The following NFIA variants were observed in gnomAD, a reference collection of about 807,000 sequenced individuals.
NFIA encodes the protein nuclear factor 1 A-type.
A neutral mutation model predicts 62.8 loss-of-function variants in NFIA; 8 were observed. The ratio of observed to expected loss-of-function variants is 0.13; its 90% CI spans 0.07 to 0.23. NFIA has a LOEUF of 0.23. NFIA is among the 10% of genes least tolerant of loss of function. The pLI is 1.00. For missense variants in NFIA, 410 were observed against 642.1 expected, an observed-to-expected ratio of 0.64 and a Z score of 3.91; for synonymous variants, 235 against 238.1, an observed-to-expected ratio of 0.99 and a Z score of 0.12.
intron 2 of NFIA, among the ~76,000 whole-genome samples, chr1:61,218,523 G>T (rs1041021035): frequency 6.6e-6 from 1 of 152,056 alleles, no homozygotes; most frequent in South Asian, 2.1e-4. Flanking sequence ...TGAAAATACC[G>T]TCATCACGTA....
intron 2 of NFIA, among the ~76,000 whole-genome samples, chr1:61,185,829 TTCTG>T (rs969156030): frequency 1.3e-5 from 2 of 152,232 alleles, no homozygotes; most frequent in Admixed American, 6.5e-5. Context: ...TAAAAGAGTG[TTCTG>T]TCTAAAATTG....
At chr1:61,123,211 C>T (rs186936907) in intron 2 of NFIA, among the ~76,000 whole-genome samples, 12 of 152,280 alleles carry the variant, frequency 7.9e-5, no homozygotes, top group Admixed American at 7.2e-4. Context: ...TAGGACAGAG[C>T]CCACAGCCAG....
At chr1:61,424,016 C>G (rs937957471) in intron 9 of NFIA, among the ~76,000 whole-genome samples, 8 of 151,654 alleles carry the variant, frequency 5.3e-5, no homozygotes, top group Non-Finnish European at 1.2e-4. Flanking sequence ...TATATAAATG[C>G]AAACCCCCTA....
intron 1 of NFIA, among the ~76,000 whole-genome samples, chr1:61,083,111 C>A: frequency 6.6e-6 from 1 of 152,166 alleles, no homozygotes; most frequent in South Asian, 2.1e-4. Flanking sequence ...TAATTAATAT[C>A]GGGGCGACGG....
intron 9 of NFIA, among the ~76,000 whole-genome samples, chr1:61,408,513 A>G (rs1665954419): frequency 1.3e-5 from 2 of 152,062 alleles, no homozygotes; most frequent in Admixed American, 6.5e-5. Context: ...TCTGCATACC[A>G]TTTTCTGCTC....
At chr1:61,138,825 G>A (rs1557592068) in intron 2 of NFIA, among the ~76,000 whole-genome samples, 1 of 151,432 alleles carries the variant, frequency 6.6e-6, no homozygotes, top group Middle Eastern at 3.4e-3. Flanking sequence ...CAAGTCGTCC[G>A]CCCACCTCGG....
intron 2 of NFIA, among the ~76,000 whole-genome samples, chr1:61,170,880 G>A (rs1401701639): frequency 4.0e-5 from 6 of 151,066 alleles, no homozygotes; most frequent in Non-Finnish European, 1.5e-5. Context: ...CTTTGTTGTT[G>A]TTTTAAACAG....
chr1:61,129,343 C>G (rs1647033567), intron 2 of NFIA, among the ~76,000 whole-genome samples: 1 of 152,030 alleles, frequency 6.6e-6, no homozygotes, highest in Admixed American at 6.5e-5. Context: ...CATTATTTTA[C>G]AGAGTCATCT....
chr1:61,444,953 G>A (rs776613925), intron 10 of NFIA, among the ~76,000 whole-genome samples: 6 of 152,218 alleles, frequency 3.9e-5, no homozygotes, highest in Non-Finnish European at 7.3e-5. Flanking sequence ...CTGTGTGTGT[G>A]TATTGAGAGT....
chr1:61,394,844 C>T (rs1182186692), intron 7 of NFIA, among the ~76,000 whole-genome samples: 1 of 152,154 alleles, frequency 6.6e-6, no homozygotes, highest in Non-Finnish European at 1.5e-5. Context: ...AGCGGTGGCT[C>T]ACACCTGTAA....
At chr1:61,107,451 G>A (rs527750745) in intron 2 of NFIA, among the ~76,000 whole-genome samples, 1 of 84,210 alleles carries the variant, frequency 1.2e-5, no homozygotes, top group South Asian at 4.8e-4. Context: ...ACATCTTTTT[G>A]TATATGTATG....
chr1:61,384,042 G>A (rs1339183441), intron 7 of NFIA, among the ~76,000 whole-genome samples: 1 of 152,170 alleles, frequency 6.6e-6, no homozygotes, highest in Admixed American at 6.5e-5. Context: ...AGCCTCAAGA[G>A]AATGTCAGCA....
At chr1:61,176,713 A>T (rs1324613277) in intron 2 of NFIA, among the ~76,000 whole-genome samples, 2 of 152,134 alleles carry the variant, frequency 1.3e-5, no homozygotes, top group African/African-American at 4.8e-5. Context: ...TGATAGATGG[A>T]TATTCTTTAA....
chr1:61,181,067 T>C (rs11207706), intron 2 of NFIA, among the ~76,000 whole-genome samples: 2 of 152,246 alleles, frequency 1.3e-5, no homozygotes, highest in African/African-American at 4.8e-5. Flanking sequence ...ATACAGTGCT[T>C]GAGGCAGTGA....
chr1:61,438,718 G>T (rs924021032), intron 10 of NFIA, among the ~76,000 whole-genome samples: 6 of 151,848 alleles, frequency 4.0e-5, no homozygotes, highest in African/African-American at 1.5e-4. Context: ...ATTAAAAAAA[G>T]ATTAAATTTT....
chr1:61,222,777 A>G (rs1403677531), intron 2 of NFIA, among the ~76,000 whole-genome samples: 4 of 152,094 alleles, frequency 2.6e-5, no homozygotes, highest in Admixed American at 2.0e-4. Context: ...TAAGATATGT[A>G]TATCTCCAGT....
At chr1:61,132,069 T>A (rs910854378) in intron 2 of NFIA, among the ~76,000 whole-genome samples, 3 of 152,056 alleles carry the variant, frequency 2.0e-5, no homozygotes, top group Admixed American at 6.6e-5. Context: ...GTAGAAAAAA[T>A]TATATATAGG....
rs552203408 is a variant in NFIA, at chr1:61,410,912, A to C, written c.1420+4185A>C. ...ACAGAGCGAGACCCTGTTTCAAAAA[A>C]TATATATAAAAATAAATAAAAATAA... On this transcript the variant is annotated intron_variant, in intron 9 of 10. Coordinates refer to ENST00000403491, the MANE Select transcript of NFIA (RefSeq NM_001134673.4). Among the ~76,000 whole-genome samples the C allele has an allele frequency of 3.3e-5, 5 of 152,274 alleles. No individual in the cohort carries two copies. The East Asian group carries it at 9.6e-4, about 29-fold the overall frequency.
chr1:61,181,724 C>T (rs930946855), intron 2 of NFIA, among the ~76,000 whole-genome samples: 1 of 152,136 alleles, frequency 6.6e-6, no homozygotes, highest in African/African-American at 2.4e-5. Context: ...AAAACCACCT[C>T]ATAATATTTC....
Sources: allele counts gnomAD v4.1 joint callset (sites outside exome capture counted in the v4.1 genomes callset), GRCh38; gene constraint gnomAD v4.1.1; transcripts MANE v1.5; gene names NCBI Gene and HGNC (gene_info 2026-07-23, HGNC 2026-07-21).